Variants in FXYD6 observed in about 807,000 individuals in gnomAD.
The protein encoded by FXYD6 is FXYD domain-containing ion transport regulator 6.
In FXYD6, 7 loss-of-function variants were observed where a neutral mutation model predicts 16.7. The ratio of observed to expected loss-of-function variants is 0.42; its 90% CI spans 0.24 to 0.79. The LOEUF is 0.79. Ranked by LOEUF, FXYD6 falls within the 30% of genes least tolerant of loss-of-function variation. The pLI is 0.28. For synonymous variants in FXYD6, 49 were observed against 43.0 expected (o/e 1.14, Z -0.54); for missense variants, 111 against 116.2 (o/e 0.95, Z 0.21).
chr11:117,864,072 A>G (rs373270478), intron 1 of FXYD6, among the ~76,000 whole-genome samples: 95 of 152,326 alleles, frequency 6.2e-4, no homozygotes, highest in Admixed American at 1.7e-3. Flanking sequence ...TCCCAATGAC[A>G]TGTTTTTGTA....
intron 1 of FXYD6, among the ~76,000 whole-genome samples, chr11:117,848,141 A>G (rs556419161): frequency 2.2e-4 from 34 of 152,216 alleles, no homozygotes; most frequent in South Asian, 4.1e-4. Context: ...GAAATGCAGA[A>G]TAAAAACAAT....
chr11:117,873,280 G>A (rs2057179304), intron 1 of FXYD6, among the ~76,000 whole-genome samples: 1 of 152,196 alleles, frequency 6.6e-6, no homozygotes, highest in Admixed American at 6.5e-5. Context: ...TTGGTACCTG[G>A]AGAGAAAAGG....
At chr11:117,843,270 T>G (rs1464398350) in intron 1 of FXYD6, among the ~76,000 whole-genome samples, 1 of 152,234 alleles carries the variant, frequency 6.6e-6, no homozygotes, top group African/African-American at 2.4e-5. Flanking sequence ...CTGCATGTAT[T>G]AATTCAATTG....
chr11:117,871,577 TA>T (rs1157747257), intron 1 of FXYD6, among the ~76,000 whole-genome samples: 2 of 152,230 alleles, frequency 1.3e-5, no homozygotes, highest in Admixed American at 1.3e-4. Context: ...AATGCCTGTT[TA>T]TTGGGAATAT....
chr11:117,866,996 T>C (rs1426791546), intron 1 of FXYD6, among the ~76,000 whole-genome samples: 2 of 152,228 alleles, frequency 1.3e-5, no homozygotes, highest in Non-Finnish European at 2.9e-5. Flanking sequence ...GACGTTTAAA[T>C]GTCACGGCAT....
chr11:117,847,618 G>T (rs558190281), intron 1 of FXYD6, among the ~76,000 whole-genome samples: 6 of 150,292 alleles, frequency 4.0e-5, no homozygotes, highest in Non-Finnish European at 5.9e-5. Flanking sequence ...GCGGTGTTTG[G>T]TTTTTTTGTC....
At chr11:117,842,379 G>A (rs112687745) in intron 2 of FXYD6, 414 of 553,434 alleles carry the variant, frequency 7.5e-4, no homozygotes, top group African/African-American at 6.4e-3. Context: ...TGACTTGCAC[G>A]AGGCCAGCAC....
chr11:117,838,159 T>C lies in FXYD6; in HGVS notation c.*140A>G, dbSNP rs1591547150. 1.4e-6 allele frequency: 1 copy of C among 700,934 alleles called. No individual in the cohort carries two copies. The highest frequency in any genetic ancestry group is 1.5e-5 in the South Asian group (1 of 67,516). 43.4% of individuals were successfully genotyped at this position (700,934 alleles called of 1,614,324 possible). A position where few individuals can be genotyped will look rare whatever the true frequency, so the allele number is the denominator to read the frequency against. Reference sequence around the variant, plus strand: ...AGGAATGGTGTTAGAGGGGATAGGGTGGGGGACACACAAGTTCTTGGCTTC... The same window carrying C: ...AGGAATGGTGTTAGAGGGGATAGGGCGGGGGACACACAAGTTCTTGGCTTC... On this transcript the variant is annotated 3_prime_UTR_variant, in exon 8 of 8. Transcript: ENST00000526014.
intron 1 of FXYD6, among the ~76,000 whole-genome samples, chr11:117,848,424 T>G (rs2056525853): frequency 6.6e-6 from 1 of 151,560 alleles, no homozygotes; most frequent in African/African-American, 2.4e-5. Flanking sequence ...AATAAACAGA[T>G]GGATTTGGCT....
intron 1 of FXYD6, among the ~76,000 whole-genome samples, chr11:117,869,894 A>T (rs1056970456): frequency 6.6e-6 from 1 of 152,116 alleles, no homozygotes; most frequent in African/African-American, 2.4e-5. Flanking sequence ...TTTGTCCTCC[A>T]GCTGCATGCG....
Position 117,874,828 on chromosome 11 carries a change from G to C in FXYD6, c.-6+1764C>G, listed in dbSNP as rs1283429891. 3.3e-5 allele frequency among the ~76,000 whole-genome samples: 5 copies of C among 152,340 alleles called. No individual in the cohort carries two copies. In the South Asian group the frequency reaches 1.0e-3, roughly 32 times the overall value. ...CGTTAACACCTGGAGCTCCGGACTG[G>C]GGCTTTGAGGAGGAGGGAAAAGGGC... On this transcript the variant is annotated intron_variant, in intron 1 of 7. Transcript: ENST00000526014.
In FXYD6 at chr11:117,870,967, C is replaced by A. The variant is rs986756566; in HGVS notation, c.-6+5625G>T. Among the ~76,000 whole-genome samples the A allele has an allele frequency of 5.3e-5, 8 of 152,176 alleles. No individual in the cohort carries two copies. Among genetic ancestry groups the A allele is most frequent in the Non-Finnish European group, 7.3e-5 (5 of 68,028 alleles). ...AAAGGACGCTTCAGCATCATTATCC[C>A]TTTACATCAAATCCATTCTAAGCTC... On this transcript the variant is annotated intron_variant, in intron 1 of 7. Coordinates refer to ENST00000526014, the MANE Select transcript of FXYD6 (RefSeq NM_022003.4). This position sits in a 1 kb window ranked among gnomAD's most constrained non-coding sequence, Gnocchi z 4.2.
rs370855656 is a variant in FXYD6 at position 117,842,685 on chromosome 11, T to C, written c.58+34A>G. The C allele has an allele frequency of 2.3e-4, 357 of 1,552,722 alleles. No individual in the cohort carries two copies. The African/African-American group carries it at 4.6e-3, about 20-fold the overall frequency. Reference sequence around the variant, plus strand: ...CAGAGAGGGCTGGACAGGGTTGTCATCTTGTCACAGCCAGGTCCCAGAGGG... The same window carrying C: ...CAGAGAGGGCTGGACAGGGTTGTCACCTTGTCACAGCCAGGTCCCAGAGGG... On this transcript the variant is annotated intron_variant, in intron 2 of 7. Coordinates refer to ENST00000526014, the MANE Select transcript of FXYD6 (RefSeq NM_022003.4).
intron 1 of FXYD6, among the ~76,000 whole-genome samples, chr11:117,876,019 A>G (rs2057254933): frequency 6.6e-6 from 1 of 152,106 alleles, no homozygotes; most frequent in South Asian, 2.1e-4. Flanking sequence ...AGAAGGAGGG[A>G]AAAAATGATG....
intron 1 of FXYD6, among the ~76,000 whole-genome samples, chr11:117,842,988 T>C (rs371832639): frequency 3.3e-5 from 5 of 151,892 alleles, no homozygotes; most frequent in Admixed American, 3.3e-4. Context: ...GGCTAGAGCG[T>C]AGTGGCATGA....
chr11:117,862,127 A>G (rs1166263771), intron 1 of FXYD6, among the ~76,000 whole-genome samples: 5 of 152,234 alleles, frequency 3.3e-5, no homozygotes, highest in African/African-American at 1.2e-4. Flanking sequence ...AGGCAAAGGA[A>G]AGAGAAAGAA....
chr11:117,847,061 C>G (rs1187070207), intron 1 of FXYD6, among the ~76,000 whole-genome samples: 1 of 152,176 alleles, frequency 6.6e-6, no homozygotes, highest in Non-Finnish European at 1.5e-5. Flanking sequence ...TCCATAAATG[C>G]TTTCATACAG....
intron 1 of FXYD6, among the ~76,000 whole-genome samples, chr11:117,858,675 CTTTCTTTCTTTCTTTCTTTCTT>C: frequency 1.2e-5 from 1 of 86,156 alleles, no homozygotes; most frequent in Non-Finnish European, 2.2e-5. Flanking sequence ...TTCTTTCTTT[CTTTCTTTCTTTCTTTCTTTCTT>C]TCTTTCTCTC....
intron 1 of FXYD6, chr11:117,858,312 G>C (rs902146283): frequency 3.3e-5 from 5 of 152,260 alleles, no homozygotes; most frequent in African/African-American, 1.2e-4. Context: ...GGAAAATGAA[G>C]GACAAAAGGA....
Sources: allele counts gnomAD v4.1 joint callset (sites outside exome capture counted in the v4.1 genomes callset), GRCh38; gene constraint gnomAD v4.1.1; non-coding constraint Gnocchi (gnomAD v3.1); transcripts MANE v1.5; gene names NCBI Gene and HGNC (gene_info 2026-07-23, HGNC 2026-07-21).